GBF1: variants seen among roughly 807,000 people sequenced by gnomAD.
The protein encoded by GBF1 is golgi brefeldin A resistant guanine nucleotide exchange factor 1, also known as Golgi-specific brefeldin A-resistance guanine nucleotide exchange factor 1.
GBF1 carries 114 observed loss-of-function variants against 210.5 expected under a neutral mutation model. That is an observed-to-expected ratio of 0.54 (90% CI 0.47 to 0.63). The LOEUF is 0.63. Ranked by LOEUF, GBF1 falls within the 30% of genes least tolerant of loss-of-function variation. The probability of loss-of-function intolerance (pLI) is 0.00; values close to 1 mark genes in which losing one functional copy is unlikely to be tolerated. For missense variants in GBF1, 1,851 were observed against 2,357.7 expected (o/e 0.79, Z 4.45); for synonymous variants, 850 against 889.2 (o/e 0.96, Z 0.78).
At chr10:102,328,564 C>A (rs934406036) in intron 3 of GBF1, among the ~76,000 whole-genome samples, 2 of 152,140 alleles carry the variant, frequency 1.3e-5, no homozygotes, top group African/African-American at 2.4e-5. Context: ...GTAACTATTT[C>A]CAGCTCTTGG....
At chr10:102,376,829 G>T (rs758742106) in intron 32 of GBF1, 29 bp downstream of exon 32, 1 of 1,609,400 alleles carries the variant, frequency 6.2e-7, no homozygotes, top group East Asian at 2.2e-5. Flanking sequence ...GGGCAGCTGG[G>T]GAGTAGCCAT....
intron 3 of GBF1, among the ~76,000 whole-genome samples, chr10:102,311,885 G>C (rs1165361760): frequency 6.6e-6 from 1 of 152,162 alleles, no homozygotes; most frequent in Non-Finnish European, 1.5e-5. Context: ...GAAAAACAGA[G>C]ACCCAGCCAT....
chr10:102,337,237 G>A (rs2057816417), intron 3 of GBF1, among the ~76,000 whole-genome samples: 1 of 151,894 alleles, frequency 6.6e-6, no homozygotes, highest in African/African-American at 2.4e-5. Context: ...AGTTAGCCGG[G>A]CATGGTGGTG....
the GBF1 span, among the ~76,000 whole-genome samples, chr10:102,237,445 A>C: frequency 6.6e-6 from 1 of 152,174 alleles, no homozygotes; most frequent in South Asian, 2.1e-4. Context: ...GGAGATCTGC[A>C]GAGAGAAACG....
At chr10:102,268,681 C>T (rs923908271) in intron 3 of GBF1, among the ~76,000 whole-genome samples, 2 of 152,214 alleles carry the variant, frequency 1.3e-5, no homozygotes, top group Admixed American at 1.3e-4. Flanking sequence ...CAGAAGAAGC[C>T]AAATGCTTGA....
the GBF1 span, among the ~76,000 whole-genome samples, chr10:102,233,944 A>G: frequency 6.6e-6 from 1 of 152,136 alleles, no homozygotes; most frequent in Non-Finnish European, 1.5e-5. Flanking sequence ...AGGAAGGGAA[A>G]TGGGCAATAC....
At chr10:102,344,699 T>G (rs1047339431) in intron 4 of GBF1, among the ~76,000 whole-genome samples, 1 of 151,906 alleles carries the variant, frequency 6.6e-6, no homozygotes, top group African/African-American at 2.4e-5. Flanking sequence ...CCAGGATGGT[T>G]TCGATCTCCT....
intron 3 of GBF1, among the ~76,000 whole-genome samples, chr10:102,287,339 A>ATTTTATTTT (rs1565062394): frequency 4.9e-4 from 32 of 65,184 alleles, no homozygotes; most frequent in Non-Finnish European, 7.9e-4. Flanking sequence ...CTTTTATTTT[A>ATTTTATTTT]TTTTCTTTTT....
At chr10:102,309,160 G>C (rs993780296) in intron 3 of GBF1, among the ~76,000 whole-genome samples, 1 of 152,150 alleles carries the variant, frequency 6.6e-6, no homozygotes, top group Non-Finnish European at 1.5e-5. Flanking sequence ...AGGAGAGAGG[G>C]CTTCAATTTG....
At chr10:102,347,625 GA>G (rs1383470387) in intron 4 of GBF1, among the ~76,000 whole-genome samples, 1 of 152,228 alleles carries the variant, frequency 6.6e-6, no homozygotes, top group Non-Finnish European at 1.5e-5. Context: ...GAGCAGGAAG[GA>G]GTGTATGAAA....
intron 13 of GBF1, 190 bp downstream of exon 13, chr10:102,361,310 G>A (rs532748336): frequency 3.5e-6 from 2 of 573,964 alleles, no homozygotes; most frequent in East Asian, 2.9e-5. Flanking sequence ...GAGACCAAAG[G>A]AAACTGGCTG....
At chr10:102,256,845 C>T (rs915652852) in intron 1 of GBF1, among the ~76,000 whole-genome samples, 3 of 152,140 alleles carry the variant, frequency 2.0e-5, no homozygotes, top group African/African-American at 7.2e-5. Context: ...ACAGATCCAG[C>T]CTGGGCAACA....
chr10:102,359,562 T>C, intron 11 of GBF1, 127 bp downstream of exon 11: 1 of 678,726 alleles, frequency 1.5e-6, no homozygotes, highest in South Asian at 1.8e-5. Flanking sequence ...GGCTATTTTC[T>C]AGTCAGGAAA....
intron 11 of GBF1, among the ~76,000 whole-genome samples, chr10:102,359,811 AT>A (rs1311895773): frequency 7.2e-6 from 1 of 139,592 alleles, no homozygotes; most frequent in African/African-American, 2.7e-5. Flanking sequence ...CCCAGGCTGG[AT>A]TGCTGCAGTG....
In GBF1 at chr10:102,377,242, C is replaced by G. The variant is rs559038177; in HGVS notation, c.4494+102C>G. 526 of 826,468 alleles carry G rather than the reference C, an allele frequency of 6.4e-4. 2 individuals carry two copies. The highest frequency in any genetic ancestry group is 3.5e-4 in the Non-Finnish European group (176 of 510,018). The allele number at this position is 826,468 out of a possible 1,614,324, so 51.2% of individuals were successfully genotyped here. ...GGCTGAGGGGAAGGGCCCATGTGTGCCAGCCCAGGCCCTGGACCACCATCT... is the reference window on the plus strand; with the variant it reads ...GGCTGAGGGGAAGGGCCCATGTGTGGCAGCCCAGGCCCTGGACCACCATCT... On this transcript the variant is annotated intron_variant, in intron 33 of 39. Coordinates refer to ENST00000369983, the MANE Select transcript of GBF1 (RefSeq NM_001377137.1).
chr10:102,380,619 C>A lies in GBF1; in HGVS notation c.5106C>A (p.Thr1702=). The change falls in exon 38 of 40, where the codon ACC becomes ACA. Residue 1702 remains threonine, a synonymous_variant. Transcript: ENST00000369983. ...GCCCCTCGGCCCTCTGGGAGATCAC[C>A]TGGGAACGCATTGACTGTTTTCTCC... ...GGGPSALWEI[T]WERIDCFLPH... The A allele has an allele frequency of 6.2e-7, 1 of 1,614,102 alleles. No homozygotes were observed.
intron 1 of GBF1, among the ~76,000 whole-genome samples, chr10:102,249,545 T>A (rs1202483720): frequency 6.6e-6 from 1 of 152,190 alleles, no homozygotes; most frequent in Admixed American, 6.5e-5. Flanking sequence ...TTCTTTTACT[T>A]CCACCCTTTA....
At chr10:102,339,291 AG>A in intron 3 of GBF1, among the ~76,000 whole-genome samples, 1 of 152,138 alleles carries the variant, frequency 6.6e-6, no homozygotes, top group East Asian at 1.9e-4. Flanking sequence ...TGAACCCGGG[AG>A]GTAGAGGTTG....
At chr10:102,260,622 C>T (rs1441057483) in intron 3 of GBF1, among the ~76,000 whole-genome samples, 3 of 151,410 alleles carry the variant, frequency 2.0e-5, no homozygotes, top group Non-Finnish European at 2.9e-5. Context: ...GGATTACAGG[C>T]GCGTGCCACC....
Sources: gnomAD v4.1 joint callset for allele counts (sites outside exome capture counted in the v4.1 genomes callset) on GRCh38, gnomAD v4.1.1 for gene constraint, MANE v1.5 for transcripts, NCBI Gene and HGNC (gene_info 2026-07-23, HGNC 2026-07-21) for gene names.